Variants in GALNT16 observed in about 807,000 individuals in gnomAD.
GALNT16 encodes polypeptide N-acetylgalactosaminyltransferase 16, also known as UDP-GalNAc:polypeptide N-acetylgalactosaminyltransferase-like protein 1.
A neutral mutation model predicts 76.1 loss-of-function variants in GALNT16; 40 were observed. The ratio of observed to expected loss-of-function variants is 0.53; its 90% CI spans 0.41 to 0.68. GALNT16 has a LOEUF of 0.68. Ranked by LOEUF, GALNT16 falls within the 30% of genes least tolerant of loss-of-function variation. GALNT16 has a pLI of 0.00. For missense variants in GALNT16, 621 were observed against 731.9 expected (o/e 0.85, Z 1.75); for synonymous variants, 276 against 285.2 (o/e 0.97, Z 0.32).
intron 1 of GALNT16, among the ~76,000 whole-genome samples, chr14:69,284,953 T>G (rs2044590770): frequency 6.6e-6 from 1 of 152,120 alleles, no homozygotes. Flanking sequence ...CTGCCATGAT[T>G]GTAAGTTTCC....
the GALNT16 span, among the ~76,000 whole-genome samples, chr14:69,385,357 C>A: frequency 6.6e-6 from 1 of 152,130 alleles, no homozygotes; most frequent in Non-Finnish European, 1.5e-5. Flanking sequence ...TCTTACTTTT[C>A]CACAAACCTG....
intron 1 of GALNT16, among the ~76,000 whole-genome samples, chr14:69,282,479 C>T (rs1246771029): frequency 6.6e-6 from 1 of 152,042 alleles, no homozygotes; most frequent in Non-Finnish European, 1.5e-5. Flanking sequence ...CCAGCCTGTA[C>T]CTTGCTTTGT....
chr14:69,312,109 A>T (rs1235350864), intron 1 of GALNT16, among the ~76,000 whole-genome samples: 1 of 151,186 alleles, frequency 6.6e-6, no homozygotes, highest in Non-Finnish European at 1.5e-5. Context: ...ATCTATATCT[A>T]TCTATCTGTC....
At chr14:69,263,501 C>T (rs2044302874) in intron 1 of GALNT16, among the ~76,000 whole-genome samples, 1 of 152,224 alleles carries the variant, frequency 6.6e-6, no homozygotes, top group Admixed American at 6.5e-5. Flanking sequence ...GCTAGCCCTG[C>T]TGTCAGAGGC....
intron 1 of GALNT16, among the ~76,000 whole-genome samples, chr14:69,265,974 G>A (rs891949687): frequency 3.9e-5 from 6 of 152,180 alleles, no homozygotes; most frequent in African/African-American, 1.4e-4. Context: ...TTACCTCTCT[G>A]AATCCCCTCA....
At chr14:69,371,220 T>C in the GALNT16 span, among the ~76,000 whole-genome samples, 1 of 152,158 alleles carries the variant, frequency 6.6e-6, no homozygotes, top group Non-Finnish European at 1.5e-5. Context: ...TGAATGTTTT[T>C]AGACTTCTTT....
At chr14:69,315,576 A>G (rs367721768) in intron 1 of GALNT16, among the ~76,000 whole-genome samples, 24 of 152,258 alleles carry the variant, frequency 1.6e-4, no homozygotes, top group African/African-American at 5.8e-4. Flanking sequence ...GGAATGCCCC[A>G]CCCAACTCTA....
intron 5 of GALNT16, 142 bp from the exon 6 acceptor site, chr14:69,328,308 C>T (rs77946430): frequency 4.8e-6 from 4 of 833,360 alleles, no homozygotes; most frequent in Non-Finnish European, 7.4e-6. Flanking sequence ...AGGAAACAAG[C>T]AGAAGTATAA....
chr14:69,265,720 A>T (rs1204358970), intron 1 of GALNT16, among the ~76,000 whole-genome samples: 2 of 152,260 alleles, frequency 1.3e-5, no homozygotes, highest in African/African-American at 2.4e-5. Flanking sequence ...GCTTTCAGAC[A>T]TGAGTTAACT....
chr14:69,310,486 A>G (rs2045002248), intron 1 of GALNT16, among the ~76,000 whole-genome samples: 1 of 152,208 alleles, frequency 6.6e-6, no homozygotes, highest in African/African-American at 2.4e-5. Context: ...GTTTAACTAC[A>G]GGGTGGGTGG....
chr14:69,266,980 C>T (rs1020295012), intron 1 of GALNT16, among the ~76,000 whole-genome samples: 4 of 152,198 alleles, frequency 2.6e-5, no homozygotes, highest in East Asian at 1.9e-4. Context: ...CTCCCAAGAC[C>T]GAGGCCTGCA....
intron 1 of GALNT16, among the ~76,000 whole-genome samples, chr14:69,296,782 TAGAG>T (rs1171487152): frequency 7.8e-6 from 1 of 128,522 alleles, no homozygotes; most frequent in Non-Finnish European, 1.7e-5. Flanking sequence ...AGATAGATGA[TAGAG>T]ATAGACAGAC....
At chr14:69,375,836 CTA>C in the GALNT16 span, among the ~76,000 whole-genome samples, 4 of 152,122 alleles carry the variant, frequency 2.6e-5, no homozygotes, top group South Asian at 2.1e-4. Flanking sequence ...CAGGGTCTTG[CTA>C]TGTTGCTCAA....
the GALNT16 span, among the ~76,000 whole-genome samples, chr14:69,367,553 G>A: frequency 6.6e-6 from 1 of 150,400 alleles, no homozygotes; most frequent in Non-Finnish European, 1.5e-5. Context: ...TTGTTTATAA[G>A]CCACCCAGTC....
chr14:69,351,379 T>G (rs554533820), intron 14 of GALNT16: 1 of 152,316 alleles, frequency 6.6e-6, no homozygotes, highest in Admixed American at 6.5e-5. Flanking sequence ...TGATGCCATG[T>G]AAGAAACTGG....
the GALNT16 span, among the ~76,000 whole-genome samples, chr14:69,365,090 C>T: frequency 6.6e-6 from 1 of 152,176 alleles, no homozygotes; most frequent in African/African-American, 2.4e-5. Context: ...AAACCACTTA[C>T]TCTTTATGTC....
intron 11 of GALNT16, among the ~76,000 whole-genome samples, chr14:69,339,913 G>A (rs2045465689): frequency 6.6e-6 from 1 of 152,256 alleles, no homozygotes; most frequent in Non-Finnish European, 1.5e-5. Flanking sequence ...GGAGGGGGCT[G>A]CCTGCAGAAA....
At chr14:69,351,633 G>C (rs2045637957) in intron 14 of GALNT16, 1 of 159,462 alleles carries the variant, frequency 6.3e-6, no homozygotes, top group South Asian at 1.8e-4. Flanking sequence ...GCATGACTGG[G>C]CATGGTAGCT....
intron 1 of GALNT16, among the ~76,000 whole-genome samples, chr14:69,260,853 A>G (rs2044259280): frequency 6.6e-6 from 1 of 151,800 alleles, no homozygotes; most frequent in Non-Finnish European, 1.5e-5. Context: ...GGGCGGTGGG[A>G]ACCACTCGCA....
Sources: gnomAD v4.1 joint callset for allele counts (sites outside exome capture counted in the v4.1 genomes callset) on GRCh38, gnomAD v4.1.1 for gene constraint, MANE v1.5 for transcripts, NCBI Gene and HGNC (gene_info 2026-07-23, HGNC 2026-07-21) for gene names.